Variants in PTPRN2 observed in about 807,000 individuals in gnomAD.
PTPRN2 encodes the protein receptor-type tyrosine-protein phosphatase N2.
Under a neutral mutation model 118.8 loss-of-function variants are expected in PTPRN2, and 74 were observed. That is an observed-to-expected ratio of 0.62 (90% CI 0.52 to 0.76). The LOEUF (loss-of-function observed/expected upper bound fraction) is 0.76, where lower values mean the gene tolerates loss of function less well. Among genes scored for constraint, PTPRN2 ranks in the 30% least tolerant of loss-of-function variants. PTPRN2 has a pLI of 0.00. For synonymous variants in PTPRN2, 641 were observed against 608.0 expected (o/e 1.05, Z -0.80); for missense variants, 1,481 against 1,394.4 (o/e 1.06, Z -0.99).
chr7:157,936,223 G>A (rs537539430), intron 11 of PTPRN2, among the ~76,000 whole-genome samples: 14 of 152,312 alleles, frequency 9.2e-5, no homozygotes, highest in Middle Eastern at 3.4e-3. Context: ...TGCCACTGGA[G>A]GTCTGAATTG....
At chr7:158,338,003 ATT>A (rs1392621386) in intron 2 of PTPRN2, among the ~76,000 whole-genome samples, 4 of 49,938 alleles carry the variant, frequency 8.0e-5, no homozygotes, top group Non-Finnish European at 1.2e-4. Flanking sequence ...TCTCACCATA[ATT>A]GGTGACACCT....
chr7:157,760,963 CAG>C (rs1413674011), intron 12 of PTPRN2, among the ~76,000 whole-genome samples: 2 of 152,038 alleles, frequency 1.3e-5, no homozygotes, highest in African/African-American at 4.8e-5. Flanking sequence ...AACAGACAAA[CAG>C]AGAGCCAAAT....
At chr7:157,817,882 G>C (rs1216920310) in intron 12 of PTPRN2, among the ~76,000 whole-genome samples, 1 of 152,066 alleles carries the variant, frequency 6.6e-6, no homozygotes, top group Non-Finnish European at 1.5e-5. Flanking sequence ...CATGATGTTT[G>C]TGTGGTGTGT....
chr7:158,116,600 C>A (rs756304156), intron 9 of PTPRN2, among the ~76,000 whole-genome samples: 3 of 152,362 alleles, frequency 2.0e-5, no homozygotes, highest in Non-Finnish European at 4.4e-5. Flanking sequence ...AATCTCACTG[C>A]TGATTGCTGC....
intron 3 of PTPRN2, among the ~76,000 whole-genome samples, chr7:158,289,908 G>T (rs774016649): frequency 6.6e-6 from 1 of 152,180 alleles, no homozygotes; most frequent in Non-Finnish European, 1.5e-5. Context: ...GGGTCCTCAC[G>T]CAGGCTGGTC....
chr7:158,053,796 G>A (rs1289116742), intron 11 of PTPRN2, among the ~76,000 whole-genome samples: 3 of 150,308 alleles, frequency 2.0e-5, no homozygotes, highest in Non-Finnish European at 4.4e-5. Flanking sequence ...CTCCAGAGAC[G>A]CAGAGACTCC....
chr7:158,274,377 G>C (rs1798805500), intron 3 of PTPRN2, among the ~76,000 whole-genome samples: 1 of 113,354 alleles, frequency 8.8e-6, no homozygotes, highest in Non-Finnish European at 1.8e-5. Flanking sequence ...CGCAGACACA[G>C]GGGGAGCCGC....
intron 11 of PTPRN2, among the ~76,000 whole-genome samples, chr7:157,907,810 C>A (rs914953557): frequency 1.3e-5 from 2 of 152,148 alleles, no homozygotes; most frequent in African/African-American, 4.8e-5. Flanking sequence ...TGTGTTCAGT[C>A]CTCAGGCCCT....
At chr7:158,200,777 T>G (rs1163690403) in intron 4 of PTPRN2, among the ~76,000 whole-genome samples, 1 of 152,056 alleles carries the variant, frequency 6.6e-6, no homozygotes, top group Non-Finnish European at 1.5e-5. Context: ...TATGAAAAAG[T>G]AGAAAAGCCT....
intron 12 of PTPRN2, among the ~76,000 whole-genome samples, chr7:157,825,604 G>T (rs1487235123): frequency 1.3e-5 from 2 of 152,186 alleles, no homozygotes; most frequent in African/African-American, 2.4e-5. Context: ...GAACAATGAA[G>T]GCTCCCGTGT....
chr7:158,239,554 C>T (rs1016627708), intron 3 of PTPRN2, among the ~76,000 whole-genome samples: 41 of 152,294 alleles, frequency 2.7e-4, no homozygotes, highest in Middle Eastern at 3.4e-3. Context: ...CCAATGGGGA[C>T]GTGGCTTTGT....
chr7:157,819,983 A>G (rs1405843264), intron 12 of PTPRN2, among the ~76,000 whole-genome samples: 3 of 150,756 alleles, frequency 2.0e-5, no homozygotes, highest in South Asian at 2.1e-4. Flanking sequence ...CACACGCACA[A>G]CACACCCACA....
At chr7:157,806,541 T>C (rs915791503) in intron 12 of PTPRN2, among the ~76,000 whole-genome samples, 6 of 152,202 alleles carry the variant, frequency 3.9e-5, no homozygotes, top group African/African-American at 1.4e-4. Flanking sequence ...TATGTGTGTA[T>C]GTATGTATAC....
intron 2 of PTPRN2, among the ~76,000 whole-genome samples, chr7:158,391,567 C>A (rs1811930116): frequency 6.6e-6 from 1 of 152,220 alleles, no homozygotes; most frequent in Admixed American, 6.5e-5. Flanking sequence ...GAAATGCCCA[C>A]CTACCCCGCA....
chr7:157,876,936 C>T (rs574941011), intron 12 of PTPRN2, among the ~76,000 whole-genome samples: 109 of 152,338 alleles, frequency 7.2e-4, no homozygotes, highest in Non-Finnish European at 1.2e-3. Flanking sequence ...GGCCTTGATG[C>T]CCTGGACGGC....
chr7:157,613,034 C>T (rs945619030), intron 15 of PTPRN2, among the ~76,000 whole-genome samples: 5 of 152,178 alleles, frequency 3.3e-5, no homozygotes, highest in Admixed American at 1.3e-4. Flanking sequence ...GGGGTGCTTC[C>T]GGCCTGGGTG....
chr7:158,461,322 C>T (rs961578196), intron 2 of PTPRN2, among the ~76,000 whole-genome samples: 4 of 151,972 alleles, frequency 2.6e-5, no homozygotes, highest in Non-Finnish European at 2.9e-5. Flanking sequence ...AGTGAAACCC[C>T]GTCTCTACTA....
Position 157,597,484 on chromosome 7 carries a change from G to GTTTT in PTPRN2, c.2419-2173_2419-2170dup, listed in dbSNP as rs572378771. 1.6e-4 allele frequency among the ~76,000 whole-genome samples: 24 copies of GTTTT among 145,650 alleles called. 1 individual carries two copies. Among genetic ancestry groups the GTTTT allele is most frequent in the African/African-American group, 4.6e-4 (18 of 39,542 alleles). On this transcript the variant is annotated intron_variant, in intron 16 of 22. Coordinates refer to ENST00000389418, the MANE Select transcript of PTPRN2 (RefSeq NM_002847.5). Reference sequence around the variant, plus strand: ...CTCCTTCTGAAATGTGTGTGTGTGTGTTTTTTTTTTTGCCCAGAGCAATTT... The same window carrying GTTTT: ...CTCCTTCTGAAATGTGTGTGTGTGTGTTTTTTTTTTTTTTTGCCCAGAGCAATTT...
chr7:158,359,131 G>A (rs1175064256), intron 2 of PTPRN2, among the ~76,000 whole-genome samples: 1 of 152,196 alleles, frequency 6.6e-6, no homozygotes, highest in African/African-American at 2.4e-5. Context: ...CATCAGCAAG[G>A]CCATGGCCGG....
Sources: gnomAD v4.1 joint callset for allele counts (sites outside exome capture counted in the v4.1 genomes callset) on GRCh38, gnomAD v4.1.1 for gene constraint, MANE v1.5 for transcripts, NCBI Gene and HGNC (gene_info 2026-07-23, HGNC 2026-07-21) for gene names.